ZBTB8A: variants seen among roughly 807,000 people sequenced by gnomAD.
The protein encoded by ZBTB8A is zinc finger and BTB domain-containing protein 8A.
A neutral mutation model predicts 37.8 loss-of-function variants in ZBTB8A; 19 were observed. That is an observed-to-expected ratio of 0.50 (90% CI 0.35 to 0.74). The LOEUF (loss-of-function observed/expected upper bound fraction) is 0.74, where lower values mean the gene tolerates loss of function less well. ZBTB8A is among the 30% of genes least tolerant of loss of function. ZBTB8A has a pLI of 0.01. For missense variants in ZBTB8A, 394 were observed against 537.8 expected (o/e 0.73, Z 2.65); for synonymous variants, 181 against 185.2 (o/e 0.98, Z 0.19).
At chr1:32,571,227 T>A (rs1301579925) in intron 2 of ZBTB8A, among the ~76,000 whole-genome samples, 1 of 152,226 alleles carries the variant, frequency 6.6e-6, no homozygotes, top group Non-Finnish European at 1.5e-5. Flanking sequence ...ACACCTCTAG[T>A]ACAGTGTTGG....
chr1:32,576,847 G>A (rs1418258536), intron 2 of ZBTB8A, among the ~76,000 whole-genome samples: 2 of 150,602 alleles, frequency 1.3e-5, no homozygotes, highest in Non-Finnish European at 3.0e-5. Context: ...TTACAGGCGT[G>A]AGCCACCATG....
Position 32,600,326 on chromosome 1 carries a change from G to C in ZBTB8A, c.1233G>C (p.Glu411Asp), listed in dbSNP as rs769328549. 1 of 1,614,172 alleles carries C rather than the reference G, an allele frequency of 6.2e-7. No homozygotes were observed. The highest frequency in any genetic ancestry group is 2.2e-5 in the East Asian group (1 of 44,888). Residue 411 changes from glutamate (E) to aspartate (D), a missense_variant, in exon 5 of 5, where the codon GAG becomes GAC. Transcript: ENST00000373510. ...LSEDENRSYVEIVEDGSADLV... is the reference protein window; with the variant it reads ...LSEDENRSYVDIVEDGSADLV... ...AAGATGAGAATAGATCCTATGTGGA[G>C]ATTGTAGAAGATGGGTCTGCTGATC...
chr1:32,600,193 A>C lies in ZBTB8A; in HGVS notation c.1100A>C (p.Glu367Ala). 1 of 1,614,204 alleles carries C rather than the reference A, an allele frequency of 6.2e-7. No individual in the cohort carries two copies. Among genetic ancestry groups the C allele is most frequent in the Non-Finnish European group, 8.5e-7 (1 of 1,180,032 alleles). Residue 367 changes from glutamate to alanine, a missense_variant, in exon 5 of 5, where the codon GAG (glutamate) becomes GCG (alanine). By Grantham distance (107) the Glu-to-Ala change is moderately radical. Around this residue, in one of 4 missense-constraint regions of ZBTB8A, gnomAD observed 85 missense variants for 89.0 expected, o/e 0.95. Transcript: ENST00000373510. ...EGTRRYRLCN[E>A]CLAEFGIDSL... is the part of the protein sequence containing the mutation. ...ACCAGGCGCTACAGACTGTGTAATG[A>C]GTGTCTTGCAGAATTTGGCATAGAC...
chr1:32,572,524 C>T lies in ZBTB8A; in HGVS notation c.-2+18984C>T, dbSNP rs554732259. Among the ~76,000 whole-genome samples, 12 of 151,642 alleles carry T rather than the reference C, an allele frequency of 7.9e-5. No individual in the cohort carries two copies. In the South Asian group the frequency reaches 2.3e-3, roughly 29 times the overall value. On this transcript the variant is annotated intron_variant, in intron 2 of 4. Coordinates refer to ENST00000373510, the MANE Select transcript of ZBTB8A (RefSeq NM_001040441.3). Reference sequence around the variant, plus strand: ...GATTCTCATGTCTCAGCCTCCTGAGCAGCTAGGAATATAGGCACACACCAC... The same window carrying T: ...GATTCTCATGTCTCAGCCTCCTGAGTAGCTAGGAATATAGGCACACACCAC...
intron 1 of ZBTB8A, among the ~76,000 whole-genome samples, chr1:32,544,104 G>T (rs2148210672): frequency 6.6e-6 from 1 of 152,346 alleles, no homozygotes; most frequent in African/African-American, 2.4e-5. Flanking sequence ...AAGTAGCTGG[G>T]ACTACAGGCT....
At chr1:32,544,673 G>A (rs765557479) in intron 1 of ZBTB8A, among the ~76,000 whole-genome samples, 11 of 152,186 alleles carry the variant, frequency 7.2e-5, no homozygotes, top group Non-Finnish European at 1.3e-4. Context: ...CTCCAGCCTG[G>A]GGGATAGAGC....
rs573183498 is a variant in ZBTB8A, at chr1:32,588,817, C to T, written c.-1-4114C>T. ...TGGCCAACATGGTGAAACCCCATCT[C>T]TACCAAAAATACAAAAATTAGCTGG... On this transcript the variant is annotated intron_variant, in intron 2 of 4. Coordinates refer to ENST00000373510, the MANE Select transcript of ZBTB8A (RefSeq NM_001040441.3). Among the ~76,000 whole-genome samples, 13 of 152,082 alleles carry T rather than the reference C, an allele frequency of 8.5e-5. No individual in the cohort carries two copies. In the East Asian group the frequency reaches 2.5e-3, roughly 29 times the overall value.
intron 2 of ZBTB8A, among the ~76,000 whole-genome samples, chr1:32,557,229 G>C (rs1644210363): frequency 6.6e-6 from 1 of 152,126 alleles, no homozygotes. Context: ...TTGAACCTGG[G>C]AGGCAGAGGT....
intron 2 of ZBTB8A, among the ~76,000 whole-genome samples, chr1:32,583,994 G>A (rs1206178665): frequency 6.6e-6 from 1 of 152,102 alleles, no homozygotes; most frequent in Non-Finnish European, 1.5e-5. Flanking sequence ...TTGACCTTAA[G>A]TGATCCACCT....
At chr1:32,565,369 G>C (rs897896372) in intron 2 of ZBTB8A, among the ~76,000 whole-genome samples, 2 of 152,126 alleles carry the variant, frequency 1.3e-5, no homozygotes, top group African/African-American at 4.8e-5. Flanking sequence ...CCGTTTTAAG[G>C]CTGGGCACAG....
At chr1:32,591,430 G>A (rs1361530835) in intron 2 of ZBTB8A, among the ~76,000 whole-genome samples, 1 of 151,842 alleles carries the variant, frequency 6.6e-6, no homozygotes, top group Non-Finnish European at 1.5e-5. Context: ...TGTTGAACAG[G>A]CTGGTCTCAC....
chr1:32,547,360 T>C, intron 1 of ZBTB8A, among the ~76,000 whole-genome samples: 1 of 146,996 alleles, frequency 6.8e-6, no homozygotes. Context: ...TTCTTTTTTT[T>C]TTTTTTTAGT....
chr1:32,550,123 C>T (rs915055461), intron 1 of ZBTB8A, among the ~76,000 whole-genome samples: 13 of 151,762 alleles, frequency 8.6e-5, no homozygotes, highest in Non-Finnish European at 1.5e-4. Context: ...TTTGGGAGGC[C>T]GAGGTGGGCG....
intron 2 of ZBTB8A, among the ~76,000 whole-genome samples, chr1:32,585,284 G>C (rs549234317): frequency 2.6e-5 from 4 of 151,916 alleles, no homozygotes; most frequent in Non-Finnish European, 5.9e-5. Flanking sequence ...AAAGTGCTGG[G>C]ATTATAGGTG....
chr1:32,572,310 G>A (rs1358534487), intron 2 of ZBTB8A, among the ~76,000 whole-genome samples: 1 of 151,864 alleles, frequency 6.6e-6, no homozygotes, highest in Admixed American at 6.6e-5. Context: ...CAGTTTTTAA[G>A]TTATATTTTA....
chr1:32,568,509 C>T (rs1375650562), intron 2 of ZBTB8A, among the ~76,000 whole-genome samples: 1 of 152,060 alleles, frequency 6.6e-6, no homozygotes, highest in Admixed American at 6.5e-5. Flanking sequence ...GCCTCAGCCT[C>T]CTGAGTAGCT....
chr1:32,571,095 C>G (rs1259552963), intron 2 of ZBTB8A, among the ~76,000 whole-genome samples: 1 of 152,166 alleles, frequency 6.6e-6, no homozygotes, highest in African/African-American at 2.4e-5. Context: ...AGGCTGGTCT[C>G]AAAGTCCTGA....
Position 32,592,997 on chromosome 1 carries a change from A to G in ZBTB8A, c.66A>G (p.Val22=). The change falls in exon 3 of 5, where the codon GTA becomes GTG. Residue 22 remains valine (V), a synonymous_variant. Coordinates refer to ENST00000373510, the MANE Select transcript of ZBTB8A (RefSeq NM_001040441.3). ...QQLNEQRRQD[V]FCDCSILVEG... ...TGAACGAGCAGCGCAGGCAAGATGT[A>G]TTTTGTGACTGCAGTATTCTAGTTG... 1.2e-6 allele frequency: 2 copies of G among 1,614,230 alleles called. No homozygotes were observed. The highest frequency in any genetic ancestry group is 1.7e-6 in the Non-Finnish European group (2 of 1,180,040).
At chr1:32,581,338 TA>T (rs1644405514) in intron 2 of ZBTB8A, among the ~76,000 whole-genome samples, 1 of 126,018 alleles carries the variant, frequency 7.9e-6, no homozygotes, top group African/African-American at 3.0e-5. Flanking sequence ...ATATAATATA[TA>T]AAAATATGTA....
Sources: gnomAD v4.1 joint callset for allele counts (sites outside exome capture counted in the v4.1 genomes callset) on GRCh38, gnomAD v4.1.1 for gene constraint, gnomAD v4.1.1 regional missense constraint, MANE v1.5 for transcripts, NCBI Gene and HGNC (gene_info 2026-07-23, HGNC 2026-07-21) for gene names.